PDE6A: variants seen among roughly 807,000 people sequenced by gnomAD.
The protein encoded by PDE6A is phosphodiesterase 6A.
PDE6A carries 84 observed loss-of-function variants against 106.3 expected under a neutral mutation model. The observed-to-expected ratio is 0.79, with a 90% CI of 0.66 to 0.95. The LOEUF (loss-of-function observed/expected upper bound fraction) is 0.95, where lower values mean the gene tolerates loss of function less well. PDE6A is among the 40% of genes least tolerant of loss of function. The pLI is 0.00. For missense variants in PDE6A, 1,052 were observed against 1,084.9 expected (o/e 0.97, Z 0.43); for synonymous variants, 394 against 386.6 (o/e 1.02, Z -0.23).
At chr5:149,886,670 C>T (rs1282363843) in intron 13 of PDE6A, among the ~76,000 whole-genome samples, 2 of 152,204 alleles carry the variant, frequency 1.3e-5, no homozygotes, top group African/African-American at 4.8e-5. Context: ...AGCCCAATCT[C>T]CATAATGAGG....
chr5:149,887,869 C>A (rs1323612007), intron 13 of PDE6A, among the ~76,000 whole-genome samples: 1 of 152,242 alleles, frequency 6.6e-6, no homozygotes, highest in African/African-American at 2.4e-5. Flanking sequence ...GTACCACCAG[C>A]CTGTAAGCAG....
intron 16 of PDE6A, among the ~76,000 whole-genome samples, 199 bp downstream of exon 16, chr5:149,884,280 G>A (rs545740256): frequency 1.4e-5 from 2 of 145,938 alleles, no homozygotes; most frequent in Non-Finnish European, 3.0e-5. Flanking sequence ...GTATATATGT[G>A]TATATATGTG....
chr5:149,938,602 T>C (rs915099497), intron 1 of PDE6A, among the ~76,000 whole-genome samples: 1 of 152,228 alleles, frequency 6.6e-6, no homozygotes, highest in Non-Finnish European at 1.5e-5. Context: ...AAAGGAATGA[T>C]ATACAAGTAA....
At chr5:149,893,968 G>A (rs953215952) in intron 13 of PDE6A, among the ~76,000 whole-genome samples, 1 of 152,190 alleles carries the variant, frequency 6.6e-6, no homozygotes, top group Non-Finnish European at 1.5e-5. Flanking sequence ...ATATAAGTTA[G>A]TGTCTACTGA....
chr5:149,887,710 A>G (rs1194234253), intron 13 of PDE6A, among the ~76,000 whole-genome samples: 2 of 152,028 alleles, frequency 1.3e-5, no homozygotes, highest in African/African-American at 2.4e-5. Flanking sequence ...AAACATTCCT[A>G]TCATATCTTG....
At chr5:149,887,246 A>G (rs1752346390) in intron 13 of PDE6A, among the ~76,000 whole-genome samples, 1 of 152,244 alleles carries the variant, frequency 6.6e-6, no homozygotes, top group Admixed American at 6.5e-5. Flanking sequence ...GCAGCCACAA[A>G]ATTGTATCAT....
intron 17 of PDE6A, among the ~76,000 whole-genome samples, chr5:149,874,019 A>G (rs189215277): frequency 3.1e-4 from 47 of 152,076 alleles, no homozygotes; most frequent in Middle Eastern, 3.4e-3. Flanking sequence ...AAAAAAAAAA[A>G]AAGAAGAAGA....
chr5:149,884,328 ATATATGTATATATATG>A, intron 16 of PDE6A, 135 bp downstream of exon 16: 1 of 610,752 alleles, frequency 1.6e-6, no homozygotes, highest in Non-Finnish European at 2.9e-6. Flanking sequence ...ATATATGTGT[ATATATGTATATATATG>A]TGTGTATATA....
At chr5:149,892,133 A>AC (rs941267431) in intron 13 of PDE6A, among the ~76,000 whole-genome samples, 8 of 151,938 alleles carry the variant, frequency 5.3e-5, no homozygotes, top group African/African-American at 1.2e-4. Flanking sequence ...ACATAGTGAG[A>AC]CCCCCCATCT....
At position 149,892,228 on chromosome 5, in the gene PDE6A, A is replaced by T. The variant is rs138269787; in HGVS notation, c.1728+2955T>A. Among the ~76,000 whole-genome samples the T allele has an allele frequency of 3.5e-3, 539 of 152,236 alleles. 3 individuals carry two copies. Among genetic ancestry groups the T allele is most frequent in the Non-Finnish European group, 5.5e-3 (374 of 68,020 alleles). ...CTACTTGGGAGGCTGAGATGGGAGG[A>T]TCACTTGAACCCAGGAGTTTGAGGC... On this transcript the variant is annotated intron_variant, in intron 13 of 21. Coordinates refer to ENST00000255266, the MANE Select transcript of PDE6A (RefSeq NM_000440.3).
In PDE6A at chr5:149,934,655, A is replaced by G; in HGVS notation, c.538T>C (p.Ser180Pro). The change falls in exon 2 of 22, where the codon TCC becomes CCC. Residue 180 changes from serine to proline, a missense_variant. Ser to Pro is a moderately conservative substitution (Grantham distance 74, BLOSUM62 -1). This residue lies in a region of PDE6A where 913 missense variants were observed against 915.2 expected (regional missense o/e 1.00). Transcript: ENST00000255266. The part of the protein sequence containing the change: ...TEYKTKNILA[S>P]PIMNGKDVVA... ...ACATCCTTCCCATTCATTATGGGGGAAGCCAAGATGTTCTTGGTCTTGTAC... is the reference window on the plus strand; with the variant it reads ...ACATCCTTCCCATTCATTATGGGGGGAGCCAAGATGTTCTTGGTCTTGTAC... 2 of 1,613,860 alleles carry G rather than the reference A, an allele frequency of 1.2e-6. No individual in the cohort carries two copies. Among genetic ancestry groups the G allele is most frequent in the Middle Eastern group, 1.7e-4 (1 of 6,036 alleles).
intron 17 of PDE6A, among the ~76,000 whole-genome samples, chr5:149,868,680 C>T (rs552553359): frequency 1.1e-3 from 162 of 152,116 alleles, no homozygotes; most frequent in Non-Finnish European, 1.8e-3. Context: ...CAACTGCCAA[C>T]GAGCCTTTTT....
chr5:149,883,403 CA>C (rs1274241857), intron 17 of PDE6A, 25 bp downstream of exon 17: 12 of 1,433,392 alleles, frequency 8.4e-6, no homozygotes, highest in Non-Finnish European at 1.1e-5. Flanking sequence ...CTAAGAGGAT[CA>C]GGTTTTAACC....
At chr5:149,895,322 C>A in intron 12 of PDE6A, 32 bp from the exon 13 acceptor site, 1 of 1,421,762 alleles carries the variant, frequency 7.0e-7, no homozygotes. Flanking sequence ...TGAGGCAGGA[C>A]ACACCTGAAA....
chr5:149,911,693 T>C (rs75533473), intron 6 of PDE6A, among the ~76,000 whole-genome samples: 1 of 152,092 alleles, frequency 6.6e-6, no homozygotes. Context: ...GAACATCTAG[T>C]TGATTTATAT....
chr5:149,926,903 G>A (rs369983419), intron 4 of PDE6A, among the ~76,000 whole-genome samples: 34 of 151,698 alleles, frequency 2.2e-4, no homozygotes, highest in Middle Eastern at 3.4e-3. Flanking sequence ...GTTTGAACCC[G>A]GGAGGTGGAG....
At chr5:149,932,962 G>C (rs1754087210) in intron 3 of PDE6A, among the ~76,000 whole-genome samples, 1 of 152,168 alleles carries the variant, frequency 6.6e-6, no homozygotes, top group African/African-American at 2.4e-5. Flanking sequence ...AGAGGGCCAG[G>C]GCAGAAGCGC....
chr5:149,868,210 T>A (rs1253769887), intron 17 of PDE6A, 52 bp from the exon 18 acceptor site: 2 of 1,530,184 alleles, frequency 1.3e-6, no homozygotes, highest in East Asian at 4.5e-5. Flanking sequence ...AGACTTCATG[T>A]ACTGGTTAAT....
At chr5:149,942,831 A>C (rs1010703597) in intron 1 of PDE6A, among the ~76,000 whole-genome samples, 6 of 151,908 alleles carry the variant, frequency 3.9e-5, no homozygotes, top group African/African-American at 1.5e-4. Flanking sequence ...TTACACAAGC[A>C]TCTCAGTGCA....
Sources: allele counts gnomAD v4.1 joint callset (sites outside exome capture counted in the v4.1 genomes callset), GRCh38; gene constraint gnomAD v4.1.1; regional missense constraint gnomAD v4.1.1; transcripts MANE v1.5; gene names NCBI Gene and HGNC (gene_info 2026-07-23, HGNC 2026-07-21).